Variants in GALNT13 observed in about 807,000 individuals in gnomAD.
The protein encoded by GALNT13 is UDP-GalNAc:polypeptide N-acetylgalactosaminyltransferase 13.
In GALNT13, 28 loss-of-function variants were observed where a neutral mutation model predicts 64.2. That is an observed-to-expected ratio of 0.44 (90% CI 0.32 to 0.60). The LOEUF is 0.60. Among genes scored for constraint, GALNT13 ranks in the 20% least tolerant of loss-of-function variants. GALNT13 has a pLI of 0.05. For synonymous variants in GALNT13, 214 were observed against 224.6 expected (o/e 0.95, Z 0.42); for missense variants, 577 against 669.8 (o/e 0.86, Z 1.53).
chr2:153,641,426 T>C, the GALNT13 span, among the ~76,000 whole-genome samples: 2 of 152,206 alleles, frequency 1.3e-5, no homozygotes, highest in Non-Finnish European at 2.9e-5. Context: ...ATTAGTACCA[T>C]GTTAAGTTTG....
rs202213762 is a variant in GALNT13 at position 154,390,680 on chromosome 2, TAGG to T, written c.1157-5308_1157-5306del. Among the ~76,000 whole-genome samples the T allele has an allele frequency of 6.4e-3, 980 of 152,234 alleles. 9 individuals are homozygous for T. The highest frequency in any genetic ancestry group is 0.022 in the African/African-American group (913 of 41,552). ...GAAAAGACAGCTTATTTAAAAAAAA[TAGG>T]AGCCCATAAATTTTATCATTTACCT... On this transcript the variant is annotated intron_variant, in intron 9 of 12. Coordinates refer to ENST00000392825, the MANE Select transcript of GALNT13 (RefSeq NM_052917.4).
At chr2:153,141,914 T>C in the GALNT13 span, among the ~76,000 whole-genome samples, 1 of 152,058 alleles carries the variant, frequency 6.6e-6, no homozygotes, top group Non-Finnish European at 1.5e-5. Flanking sequence ...ACATGCTTAG[T>C]AACATGTCCT....
chr2:153,221,738 A>C, the GALNT13 span, among the ~76,000 whole-genome samples: 1 of 152,120 alleles, frequency 6.6e-6, no homozygotes. Flanking sequence ...CACTGCGCAC[A>C]GCCAGGCACA....
the GALNT13 span, among the ~76,000 whole-genome samples, chr2:153,790,759 G>T: frequency 6.6e-6 from 1 of 152,088 alleles, no homozygotes; most frequent in Admixed American, 6.6e-5. Context: ...AAAGTTTCAG[G>T]ATACAAAATC....
At chr2:154,175,267 C>T (rs1475752945) in intron 4 of GALNT13, among the ~76,000 whole-genome samples, 2 of 152,100 alleles carry the variant, frequency 1.3e-5, no homozygotes, top group African/African-American at 4.8e-5. Context: ...CACATCAGTA[C>T]ATGACATAGT....
chr2:153,970,256 T>C (rs548315603), intron 3 of GALNT13, among the ~76,000 whole-genome samples: 22 of 152,230 alleles, frequency 1.4e-4, no homozygotes, highest in Admixed American at 2.6e-4. Context: ...GTTTCCATAT[T>C]GCTAAGTCCA....
intron 2 of GALNT13, among the ~76,000 whole-genome samples, chr2:153,930,107 G>A (rs1439618536): frequency 2.6e-5 from 4 of 152,004 alleles, no homozygotes; most frequent in East Asian, 1.9e-4. Flanking sequence ...GACGTTTATC[G>A]TTTTTCCTTA....
chr2:153,871,230 G>A (rs571382814), upstream of GALNT13, among the ~76,000 whole-genome samples: 22 of 152,122 alleles, frequency 1.4e-4, no homozygotes, highest in Non-Finnish European at 2.4e-4. Context: ...GGAATTCAAA[G>A]CCCCACTTTT....
chr2:153,426,270 G>C, the GALNT13 span, among the ~76,000 whole-genome samples: 1 of 151,634 alleles, frequency 6.6e-6, no homozygotes, highest in African/African-American at 2.4e-5. Flanking sequence ...TATGTGTCTT[G>C]AAAACACATA....
the GALNT13 span, among the ~76,000 whole-genome samples, chr2:153,510,227 A>G: frequency 6.6e-6 from 1 of 152,220 alleles, no homozygotes. Context: ...CAAATCCGAG[A>G]GATGTTCCTA....
At chr2:154,317,933 TAA>T (rs61212172) in intron 9 of GALNT13, among the ~76,000 whole-genome samples, 2 of 144,854 alleles carry the variant, frequency 1.4e-5, no homozygotes, top group Non-Finnish European at 1.5e-5. Context: ...TACCAAAATC[TAA>T]AAAAAAAAAA....
chr2:153,593,595 G>T, the GALNT13 span, among the ~76,000 whole-genome samples: 1 of 152,118 alleles, frequency 6.6e-6, no homozygotes, highest in Admixed American at 6.6e-5. Flanking sequence ...TTGTTCATTT[G>T]CCATCTTTGT....
chr2:154,153,635 G>A (rs1296276661), intron 4 of GALNT13, among the ~76,000 whole-genome samples: 3 of 152,226 alleles, frequency 2.0e-5, no homozygotes, highest in Non-Finnish European at 4.4e-5. Context: ...CTGGGCAATG[G>A]CGGGCGCCCC....
the GALNT13 span, among the ~76,000 whole-genome samples, chr2:153,109,249 C>A: frequency 1.3e-5 from 2 of 152,102 alleles, no homozygotes; most frequent in Non-Finnish European, 2.9e-5. Flanking sequence ...ATAAAACAGT[C>A]AAGCCAAAGG....
chr2:154,149,778 G>C (rs1292204780), intron 4 of GALNT13, among the ~76,000 whole-genome samples: 1 of 152,144 alleles, frequency 6.6e-6, no homozygotes, highest in Non-Finnish European at 1.5e-5. Context: ...CATTGATTTT[G>C]TATCCTGAGA....
At chr2:153,658,768 G>T in the GALNT13 span, among the ~76,000 whole-genome samples, 1 of 116,006 alleles carries the variant, frequency 8.6e-6, no homozygotes, top group South Asian at 3.0e-4. Flanking sequence ...GTGCAAAACT[G>T]CCAGACTTTG....
chr2:153,185,591 T>C, the GALNT13 span, among the ~76,000 whole-genome samples: 1 of 152,210 alleles, frequency 6.6e-6, no homozygotes, highest in African/African-American at 2.4e-5. Context: ...GATGTGGGCA[T>C]TTAGTCCTAT....
chr2:153,316,629 G>T, the GALNT13 span, among the ~76,000 whole-genome samples: 1 of 45,110 alleles, frequency 2.2e-5, no homozygotes, highest in Non-Finnish European at 5.9e-5. Context: ...AGCAGAGCGA[G>T]ACTCCGTCTC....
In GALNT13 at chr2:154,251,732, A is replaced by G. The variant is rs186570617; in HGVS notation, c.857+5750A>G. Reference sequence around the variant, plus strand: ...ATTTTTATCAGTAAAAACTTTAATTACATTCAGCATTTAATTATTCATCAC... The same window carrying G: ...ATTTTTATCAGTAAAAACTTTAATTGCATTCAGCATTTAATTATTCATCAC... On this transcript the variant is annotated intron_variant, in intron 7 of 12. Transcript: ENST00000392825. Among the ~76,000 whole-genome samples, 10 of 152,334 alleles carry G rather than the reference A, an allele frequency of 6.6e-5. No homozygotes were observed. In the East Asian group the frequency reaches 1.9e-3, roughly 29 times the overall value.
Sources: allele counts gnomAD v4.1 joint callset (sites outside exome capture counted in the v4.1 genomes callset), GRCh38; gene constraint gnomAD v4.1.1; transcripts MANE v1.5; gene names NCBI Gene and HGNC (gene_info 2026-07-23, HGNC 2026-07-21).